SMAP1: variants seen among roughly 807,000 people sequenced by gnomAD.
The protein encoded by SMAP1 is small ArfGAP 1.
A neutral mutation model predicts 58.5 loss-of-function variants in SMAP1; 24 were observed. The observed-to-expected ratio is 0.41, with a 90% CI of 0.30 to 0.58. SMAP1 has a LOEUF of 0.58. Among genes scored for constraint, SMAP1 ranks in the 20% least tolerant of loss-of-function variants. The probability of loss-of-function intolerance (pLI) is 0.29; values close to 1 mark genes in which losing one functional copy is unlikely to be tolerated. For missense variants in SMAP1, 563 were observed against 566.3 expected, an observed-to-expected ratio of 0.99 and a Z score of 0.06; for synonymous variants, 216 against 196.6, an observed-to-expected ratio of 1.10 and a Z score of -0.82.
chr6:70,848,400 T>C (rs140246022), intron 7 of SMAP1, among the ~76,000 whole-genome samples: 2 of 152,344 alleles, frequency 1.3e-5, no homozygotes, highest in Non-Finnish European at 2.9e-5. Flanking sequence ...TACAAATAAT[T>C]ATAAACTATT....
chr6:70,850,491 CAT>C (rs1395029209), intron 7 of SMAP1, among the ~76,000 whole-genome samples: 2 of 151,624 alleles, frequency 1.3e-5, no homozygotes, highest in African/African-American at 2.4e-5. Context: ...TTTTAGAGGA[CAT>C]GTGCTTCTAT....
chr6:70,759,742 C>T, intron 3 of SMAP1: 1 of 270,276 alleles, frequency 3.7e-6, no homozygotes, highest in Non-Finnish European at 7.7e-6. Context: ...AATATTTGGT[C>T]CTTTTCTATA....
chr6:70,845,452 A>G (rs1770951944), intron 7 of SMAP1, among the ~76,000 whole-genome samples: 1 of 152,238 alleles, frequency 6.6e-6, no homozygotes. Context: ...TTAATGCTAA[A>G]ATTCCAATTT....
At chr6:70,751,371 C>T (rs773643191) in intron 2 of SMAP1, among the ~76,000 whole-genome samples, 1 of 152,280 alleles carries the variant, frequency 6.6e-6, no homozygotes, top group East Asian at 1.9e-4. Flanking sequence ...TAGATTCTTA[C>T]AATCATTTCT....
At chr6:70,829,263 T>C (rs1010594733) in intron 6 of SMAP1, among the ~76,000 whole-genome samples, 1 of 151,930 alleles carries the variant, frequency 6.6e-6, no homozygotes, top group Non-Finnish European at 1.5e-5. Context: ...TTCTTTGTCT[T>C]CTTTTTGTTT....
chr6:70,787,459 T>G (rs562622115), intron 4 of SMAP1, among the ~76,000 whole-genome samples: 1,976 of 152,050 alleles, frequency 0.013, 12 homozygotes, highest in Non-Finnish European at 0.022. Flanking sequence ...GGGATCTAAT[T>G]AAACTAAAGA....
intron 1 of SMAP1, among the ~76,000 whole-genome samples, chr6:70,680,734 T>C (rs1766670449): frequency 6.8e-6 from 1 of 147,220 alleles, no homozygotes; most frequent in Non-Finnish European, 1.5e-5. Flanking sequence ...TTTTTTTTTT[T>C]TTGAGTTGGA....
At chr6:70,671,790 A>T (rs1464174779) in intron 1 of SMAP1, among the ~76,000 whole-genome samples, 1 of 152,160 alleles carries the variant, frequency 6.6e-6, no homozygotes, top group East Asian at 1.9e-4. Flanking sequence ...ATTTTGTAGC[A>T]TGTGTCGGTA....
At chr6:70,768,855 T>C (rs1767130991) in intron 3 of SMAP1, among the ~76,000 whole-genome samples, 1 of 152,246 alleles carries the variant, frequency 6.6e-6, no homozygotes, top group African/African-American at 2.4e-5. Context: ...GGTGTCACTT[T>C]TGGATCTTTC....
chr6:70,720,634 TC>T (rs1768482118), intron 1 of SMAP1, among the ~76,000 whole-genome samples: 2 of 152,292 alleles, frequency 1.3e-5, no homozygotes, highest in East Asian at 3.9e-4. Flanking sequence ...CCATACATCT[TC>T]TAAAATCTAG....
rs564142309 is a variant in SMAP1, at chr6:70,860,798, T to C, written c.*464T>C. On this transcript the variant is annotated 3_prime_UTR_variant, in exon 11 of 11. Coordinates refer to ENST00000370455, the MANE Select transcript of SMAP1 (RefSeq NM_001044305.3). ...TGTCTCACTGAGCACTGTTTTCTAGTGTATCAAAATGCTCTTATTTCATCA... is the reference window on the plus strand; with the variant it reads ...TGTCTCACTGAGCACTGTTTTCTAGCGTATCAAAATGCTCTTATTTCATCA... 84 of 398,456 alleles carry C rather than the reference T, an allele frequency of 2.1e-4. No individual in the cohort carries two copies. Among genetic ancestry groups the C allele is most frequent in the African/African-American group, 1.3e-3 (63 of 48,706 alleles). 24.7% of individuals were successfully genotyped at this position (398,456 alleles called of 1,614,324 possible). A position where few individuals can be genotyped will look rare whatever the true frequency, so the allele number is the denominator to read the frequency against.
chr6:70,856,639 T>C, intron 8 of SMAP1: 1 of 377,232 alleles, frequency 2.7e-6, no homozygotes, highest in Non-Finnish European at 4.7e-6. Flanking sequence ...AATGCTTCAG[T>C]CTACCTACAT....
At chr6:70,774,152 A>G (rs571378188) in intron 4 of SMAP1, among the ~76,000 whole-genome samples, 65 of 152,298 alleles carry the variant, frequency 4.3e-4, no homozygotes, top group African/African-American at 1.4e-3. Flanking sequence ...AGGTTGTACC[A>G]TCTAGGTTTG....
At chr6:70,674,063 G>C (rs1305664003) in intron 1 of SMAP1, among the ~76,000 whole-genome samples, 2 of 151,894 alleles carry the variant, frequency 1.3e-5, no homozygotes, top group African/African-American at 4.8e-5. Flanking sequence ...TTAAGGCAAA[G>C]TAGAATGTTT....
chr6:70,731,332 A>G (rs1475872294), intron 1 of SMAP1, among the ~76,000 whole-genome samples: 1 of 152,236 alleles, frequency 6.6e-6, no homozygotes, highest in Non-Finnish European at 1.5e-5. Context: ...TGTACAGCTA[A>G]GACTTGTATT....
chr6:70,668,480 T>C, intron 1 of SMAP1: 1 of 1,446,460 alleles, frequency 6.9e-7, no homozygotes, highest in Non-Finnish European at 9.0e-7. Context: ...GGCACGGGTC[T>C]GGGCAGAGCT....
intron 1 of SMAP1, among the ~76,000 whole-genome samples, chr6:70,696,561 C>T (rs1767413742): frequency 6.6e-6 from 1 of 152,068 alleles, no homozygotes; most frequent in South Asian, 2.1e-4. Context: ...ATCCATAGTT[C>T]TTCCTGTTAT....
chr6:70,692,475 G>A (rs1767210380), intron 1 of SMAP1, among the ~76,000 whole-genome samples: 1 of 152,282 alleles, frequency 6.6e-6, no homozygotes, highest in Non-Finnish European at 1.5e-5. Flanking sequence ...GGTTGCCTGT[G>A]TTTGTGGGGT....
chr6:70,742,839 T>C (rs1765873042), intron 2 of SMAP1, among the ~76,000 whole-genome samples: 1 of 152,168 alleles, frequency 6.6e-6, no homozygotes, highest in Non-Finnish European at 1.5e-5. Flanking sequence ...ACGTCTCACA[T>C]GGCGGCAGAC....
Sources: gnomAD v4.1 joint callset for allele counts (sites outside exome capture counted in the v4.1 genomes callset) on GRCh38, gnomAD v4.1.1 for gene constraint, MANE v1.5 for transcripts, NCBI Gene and HGNC (gene_info 2026-07-23, HGNC 2026-07-21) for gene names.